The following CNTN5 variants were observed in gnomAD, a reference collection of about 807,000 sequenced individuals.
The protein encoded by CNTN5 is contactin-5.
In CNTN5, 77 loss-of-function variants were observed where a neutral mutation model predicts 129.1. The observed-to-expected ratio is 0.60, with a 90% CI of 0.50 to 0.72. The LOEUF (loss-of-function observed/expected upper bound fraction) is 0.72, where lower values mean the gene tolerates loss of function less well. Among genes scored for constraint, CNTN5 ranks in the 30% least tolerant of loss-of-function variants. The pLI is 0.00. For missense variants in CNTN5, 1,478 were observed against 1,328.8 expected, an observed-to-expected ratio of 1.11 and a Z score of -1.75; for synonymous variants, 509 against 465.6, an observed-to-expected ratio of 1.09 and a Z score of -1.20.
chr11:99,477,814 A>T (rs1245918728), intron 2 of CNTN5, among the ~76,000 whole-genome samples: 1 of 151,810 alleles, frequency 6.6e-6, no homozygotes, highest in Non-Finnish European at 1.5e-5. Context: ...TATTTCCTTT[A>T]AAAAAATAAA....
chr11:100,034,523 C>T (rs987182732), intron 9 of CNTN5, among the ~76,000 whole-genome samples: 4 of 152,170 alleles, frequency 2.6e-5, no homozygotes, highest in African/African-American at 9.7e-5. Context: ...CTACCTCTAA[C>T]CTTGCTTATT....
At chr11:99,896,807 C>G (rs527735943) in intron 6 of CNTN5, among the ~76,000 whole-genome samples, 26 of 152,260 alleles carry the variant, frequency 1.7e-4, no homozygotes, top group African/African-American at 5.3e-4. Context: ...TGCCACTGTC[C>G]CAGCTGAGGG....
At chr11:99,511,068 G>A (rs558025002) in intron 2 of CNTN5, among the ~76,000 whole-genome samples, 28 of 150,266 alleles carry the variant, frequency 1.9e-4, no homozygotes, top group African/African-American at 4.9e-4. Context: ...TTTAAAAAGC[G>A]TAAACATTAA....
At chr11:100,243,830 A>T (rs1949789255) in intron 16 of CNTN5, among the ~76,000 whole-genome samples, 1 of 152,148 alleles carries the variant, frequency 6.6e-6, no homozygotes, top group Non-Finnish European at 1.5e-5. Flanking sequence ...AACCCTCTTC[A>T]GTCTCCAAAT....
intron 8 of CNTN5, among the ~76,000 whole-genome samples, chr11:99,978,044 T>C (rs1938102845): frequency 6.6e-6 from 1 of 152,244 alleles, no homozygotes; most frequent in African/African-American, 2.4e-5. Context: ...CATGACATTA[T>C]AATGGAACTG....
chr11:100,266,026 C>T (rs1385288257), intron 17 of CNTN5, among the ~76,000 whole-genome samples: 1 of 152,114 alleles, frequency 6.6e-6, no homozygotes, highest in Non-Finnish European at 1.5e-5. Flanking sequence ...GATATGTCTT[C>T]TATCTGTGGA....
intron 2 of CNTN5, among the ~76,000 whole-genome samples, chr11:99,388,219 C>T (rs1436936304): frequency 6.6e-6 from 1 of 151,812 alleles, no homozygotes; most frequent in Non-Finnish European, 1.5e-5. Flanking sequence ...AGTTTGACAC[C>T]AGCCTGGCCA....
chr11:99,811,252 A>G (rs1199905815), intron 3 of CNTN5, among the ~76,000 whole-genome samples: 1 of 151,964 alleles, frequency 6.6e-6, no homozygotes, highest in Non-Finnish European at 1.5e-5. Flanking sequence ...TCTTGTAAAC[A>G]TACCTCTCAT....
chr11:99,616,016 G>A (rs977263982), intron 3 of CNTN5, among the ~76,000 whole-genome samples: 1 of 152,104 alleles, frequency 6.6e-6, no homozygotes, highest in African/African-American at 2.4e-5. Flanking sequence ...GATTACATGT[G>A]TAAGCCACCA....
chr11:99,870,141 G>A (rs957818412), intron 6 of CNTN5, among the ~76,000 whole-genome samples: 8 of 152,090 alleles, frequency 5.3e-5, no homozygotes, highest in African/African-American at 1.4e-4. Context: ...AGAGGAAAAT[G>A]TTTAATTGCT....
chr11:99,639,259 C>T (rs938584118), intron 3 of CNTN5, among the ~76,000 whole-genome samples: 3 of 152,158 alleles, frequency 2.0e-5, no homozygotes, highest in Non-Finnish European at 4.4e-5. Flanking sequence ...TGGCTGCACA[C>T]AACACAGAGA....
intron 3 of CNTN5, among the ~76,000 whole-genome samples, chr11:99,801,887 A>G (rs1264204019): frequency 6.6e-6 from 1 of 152,190 alleles, no homozygotes; most frequent in Non-Finnish European, 1.5e-5. Context: ...ACTTTCTTGC[A>G]ATCCATGCTT....
intron 18 of CNTN5, among the ~76,000 whole-genome samples, chr11:100,286,045 G>C (rs978418729): frequency 1.3e-5 from 2 of 152,162 alleles, no homozygotes; most frequent in East Asian, 1.9e-4. Context: ...GCGCTTTTCC[G>C]ATAGGCTTAA....
chr11:99,924,211 G>C (rs764246942), intron 7 of CNTN5, among the ~76,000 whole-genome samples: 6 of 152,148 alleles, frequency 3.9e-5, no homozygotes, highest in Non-Finnish European at 8.8e-5. Context: ...TTACATGGTT[G>C]CTGGCTGCTT....
intron 16 of CNTN5, among the ~76,000 whole-genome samples, chr11:100,252,243 CTG>C (rs1220776433): frequency 1.3e-5 from 2 of 152,058 alleles, no homozygotes; most frequent in Admixed American, 6.6e-5. Context: ...TCAGATGTGA[CTG>C]TTTTTTAATA....
intron 1 of CNTN5, among the ~76,000 whole-genome samples, chr11:99,103,011 A>G (rs1866812846): frequency 6.6e-6 from 1 of 152,194 alleles, no homozygotes. Context: ...GGCAAAAGGC[A>G]AAAGGCATAT....
intron 13 of CNTN5, among the ~76,000 whole-genome samples, chr11:100,098,695 T>C (rs1453815537): frequency 1.3e-5 from 2 of 152,020 alleles, no homozygotes; most frequent in Non-Finnish European, 2.9e-5. Context: ...CCAGTAGCAT[T>C]TTGGGCCAGC....
intron 13 of CNTN5, among the ~76,000 whole-genome samples, chr11:100,189,756 A>G (rs1948416828): frequency 6.6e-6 from 1 of 152,122 alleles, no homozygotes; most frequent in Non-Finnish European, 1.5e-5. Flanking sequence ...AATGCATTAC[A>G]TTACTCTTAA....
intron 6 of CNTN5, among the ~76,000 whole-genome samples, chr11:99,867,010 C>T (rs765109082): frequency 2.6e-5 from 4 of 152,194 alleles, no homozygotes; most frequent in Non-Finnish European, 5.9e-5. Context: ...GTTAATGCAG[C>T]TGTTCACATA....
Sources: gnomAD v4.1 joint callset for allele counts (sites outside exome capture counted in the v4.1 genomes callset) on GRCh38, gnomAD v4.1.1 for gene constraint, MANE v1.5 for transcripts, NCBI Gene and HGNC (gene_info 2026-07-23, HGNC 2026-07-21) for gene names.